The following TMCC1 variants were observed in gnomAD, a reference collection of about 807,000 sequenced individuals.
The protein encoded by TMCC1 is transmembrane and coiled-coil domains protein 1.
In TMCC1, 15 loss-of-function variants were observed where a neutral mutation model predicts 52.4. That is an observed-to-expected ratio of 0.29 (90% CI 0.19 to 0.44). The LOEUF (loss-of-function observed/expected upper bound fraction) is 0.44. Ranked by LOEUF, TMCC1 falls within the 20% of genes least tolerant of loss-of-function variation. TMCC1 has a pLI of 1.00. For synonymous variants in TMCC1, 279 were observed against 301.9 expected, an observed-to-expected ratio of 0.92 and a Z score of 0.79; for missense variants, 503 against 806.0, an observed-to-expected ratio of 0.62 and a Z score of 4.55.
intron 4 of TMCC1, among the ~76,000 whole-genome samples, chr3:129,763,321 T>A (rs1362611164): frequency 6.7e-6 from 1 of 149,012 alleles, no homozygotes; most frequent in East Asian, 1.9e-4. Context: ...AGGGGACGGA[T>A]CACTTGAGCT....
At chr3:129,726,644 C>T (rs754753512) in intron 4 of TMCC1, among the ~76,000 whole-genome samples, 2 of 151,504 alleles carry the variant, frequency 1.3e-5, no homozygotes, top group Non-Finnish European at 2.9e-5. Context: ...TTTAGGAAGG[C>T]GAGGTGGGAG....
rs1317297657 is a variant in TMCC1 at position 129,850,144 on chromosome 3, T to TATA, written c.-183-17319_-183-17318insTAT. On this transcript the variant is annotated intron_variant, in intron 2 of 6. Coordinates refer to ENST00000393238, the MANE Select transcript of TMCC1 (RefSeq NM_001017395.5). ...CCACCTCCATCAATTCATGTTCTTCTACTTATACTGTTCAAATATGGAATG... is the reference window on the plus strand; with the variant it reads ...CCACCTCCATCAATTCATGTTCTTCTATAACTTATACTGTTCAAATATGGAATG... 7.1e-4 allele frequency among the ~76,000 whole-genome samples: 108 copies of TATA among 152,224 alleles called. 2 individuals carry two copies. Among genetic ancestry groups the TATA allele is most frequent in the Non-Finnish European group, 5.9e-5 (4 of 68,034 alleles).
In TMCC1 at chr3:129,650,342, C is replaced by T. The variant is rs1264362266; in HGVS notation, c.*1139G>A. On this transcript the variant is annotated 3_prime_UTR_variant, in exon 7 of 7. Coordinates refer to ENST00000393238, the MANE Select transcript of TMCC1 (RefSeq NM_001017395.5). ...TTTTTGGAAACAGCCTCCTGCTCTC[C>T]TTGCACAACCCTTTCCTCTTCAACT... 1.3e-5 allele frequency: 2 copies of T among 151,956 alleles called. No individual in the cohort carries two copies. The highest frequency in any genetic ancestry group is 4.8e-5 in the African/African-American group (2 of 41,296). The allele number at this position is 151,956 out of a possible 1,614,324, so 9.4% of individuals were successfully genotyped here. A position where few individuals can be genotyped will look rare whatever the true frequency, so the allele number is the denominator to read the frequency against.
At chr3:129,750,493 TC>T (rs2052397934) in intron 4 of TMCC1, among the ~76,000 whole-genome samples, 2 of 151,476 alleles carry the variant, frequency 1.3e-5, no homozygotes, top group Non-Finnish European at 2.9e-5. Flanking sequence ...TGCTCAGCCT[TC>T]AAAATCTTTA....
intron 4 of TMCC1, among the ~76,000 whole-genome samples, chr3:129,752,660 T>TCACACA (rs111582731): frequency 3.4e-5 from 5 of 148,282 alleles, no homozygotes; most frequent in Admixed American, 2.7e-4. Context: ...AGCAAGACTG[T>TCACACA]CACACACACA....
At chr3:129,785,556 T>C (rs1295226490) in intron 4 of TMCC1, among the ~76,000 whole-genome samples, 3 of 134,710 alleles carry the variant, frequency 2.2e-5, no homozygotes, top group African/African-American at 1.0e-4. Context: ...AGTCTCAATA[T>C]ACATACACAC....
chr3:129,779,372 GA>G (rs1427895367), intron 4 of TMCC1, among the ~76,000 whole-genome samples: 3 of 151,944 alleles, frequency 2.0e-5, no homozygotes, highest in African/African-American at 7.3e-5. Context: ...AACAATCCTT[GA>G]GTTCTTAACA....
At chr3:129,854,168 G>C (rs1391856099) in intron 2 of TMCC1, among the ~76,000 whole-genome samples, 4 of 152,018 alleles carry the variant, frequency 2.6e-5, no homozygotes, top group Non-Finnish European at 5.9e-5. Flanking sequence ...GAGGTAGGTG[G>C]ATCACTTGAG....
At chr3:129,747,144 C>T (rs1312879122) in intron 4 of TMCC1, among the ~76,000 whole-genome samples, 4 of 152,096 alleles carry the variant, frequency 2.6e-5, no homozygotes, top group East Asian at 1.9e-4. Context: ...GCTCTATTAA[C>T]GTAAGCTGCA....
At chr3:129,787,984 T>A (rs1245493627) in intron 4 of TMCC1, among the ~76,000 whole-genome samples, 1 of 152,186 alleles carries the variant, frequency 6.6e-6, no homozygotes, top group East Asian at 1.9e-4. Flanking sequence ...TGAATGTACC[T>A]GGTAAAGAGT....
At chr3:129,682,745 T>C (rs1433390136) in intron 4 of TMCC1, among the ~76,000 whole-genome samples, 1 of 152,224 alleles carries the variant, frequency 6.6e-6, no homozygotes, top group Non-Finnish European at 1.5e-5. Flanking sequence ...CTTTCAAAAA[T>C]ACCTGTCTCC....
chr3:129,723,912 A>ATTT lies in TMCC1; in HGVS notation c.577-52651_577-52649dup, dbSNP rs5852573. 3.3e-3 allele frequency among the ~76,000 whole-genome samples: 473 copies of ATTT among 141,454 alleles called. 4 individuals carry two copies. Among genetic ancestry groups the ATTT allele is most frequent in the African/African-American group, 0.011 (436 of 38,186 alleles). The allele number at this position is 141,454 out of a possible 152,430, so 92.8% of individuals were successfully genotyped here. A position where few individuals can be genotyped will look rare whatever the true frequency, so the allele number is the denominator to read the frequency against. On this transcript the variant is annotated intron_variant, in intron 4 of 6. Transcript: ENST00000393238. ...AACTAACTATAGGATTCAGGATGAG[A>ATTT]TTTTTTTTTTTTTTTTTTTAAAAGA...
intron 4 of TMCC1, among the ~76,000 whole-genome samples, chr3:129,827,509 T>C (rs374625652): frequency 1.3e-5 from 2 of 152,350 alleles, no homozygotes; most frequent in South Asian, 2.1e-4. Context: ...TTTATTGCTC[T>C]ACCATAAAAC....
chr3:129,758,622 T>A (rs939299768), intron 4 of TMCC1, among the ~76,000 whole-genome samples: 4 of 152,204 alleles, frequency 2.6e-5, no homozygotes, highest in Non-Finnish European at 5.9e-5. Context: ...GTTTCCAAAT[T>A]ATTTCCTTTT....
intron 4 of TMCC1, among the ~76,000 whole-genome samples, chr3:129,762,220 T>G (rs569933767): frequency 4.3e-4 from 66 of 152,002 alleles, no homozygotes; most frequent in African/African-American, 1.6e-3. Flanking sequence ...TATAATTTTT[T>G]GTAGAGACAG....
intron 4 of TMCC1, among the ~76,000 whole-genome samples, chr3:129,737,145 C>T (rs1368318974): frequency 6.6e-6 from 1 of 152,148 alleles, no homozygotes; most frequent in Non-Finnish European, 1.5e-5. Flanking sequence ...GCTTCACCCT[C>T]ATGAATGTGA....
intron 4 of TMCC1, among the ~76,000 whole-genome samples, chr3:129,682,830 A>G (rs2089110675): frequency 6.6e-6 from 1 of 152,056 alleles, no homozygotes; most frequent in Non-Finnish European, 1.5e-5. Flanking sequence ...CCTTCTTGCC[A>G]AAGTTTTTTT....
chr3:129,771,318 A>T (rs768177048), intron 4 of TMCC1, among the ~76,000 whole-genome samples: 3 of 152,338 alleles, frequency 2.0e-5, no homozygotes, highest in African/African-American at 7.2e-5. Flanking sequence ...GTTTGGCTGA[A>T]TATTTGGCCC....
intron 4 of TMCC1, among the ~76,000 whole-genome samples, chr3:129,733,217 G>C (rs2050684414): frequency 6.6e-6 from 1 of 152,192 alleles, no homozygotes; most frequent in African/African-American, 2.4e-5. Context: ...GAGGTGAACT[G>C]TTACACAGAA....
Sources: allele counts gnomAD v4.1 joint callset (sites outside exome capture counted in the v4.1 genomes callset), GRCh38; gene constraint gnomAD v4.1.1; transcripts MANE v1.5; gene names NCBI Gene and HGNC (gene_info 2026-07-23, HGNC 2026-07-21).